FAM120B: variants seen among roughly 807,000 people sequenced by gnomAD.
FAM120B encodes family with sequence similarity 120 member B.
FAM120B carries 83 observed loss-of-function variants against 96.3 expected under a neutral mutation model. That is an observed-to-expected ratio of 0.86 (90% CI 0.72 to 1.03). The LOEUF is 1.03. Ranked by LOEUF, FAM120B falls within the 50% of genes least tolerant of loss-of-function variation. The probability of loss-of-function intolerance (pLI) is 0.00; values close to 1 mark genes in which losing one functional copy is unlikely to be tolerated. For missense variants in FAM120B, 1,027 were observed against 1,121.2 expected, an observed-to-expected ratio of 0.92 and a Z score of 1.20; for synonymous variants, 407 against 402.7, an observed-to-expected ratio of 1.01 and a Z score of -0.13.
intron 10 of FAM120B, 59 bp downstream of exon 10, chr6:170,404,660 A>C: frequency 2.3e-6 from 3 of 1,299,814 alleles, no homozygotes; most frequent in Non-Finnish European, 3.3e-6. Flanking sequence ...TTAATAACAT[A>C]AATCTTCCAT....
intron 8 of FAM120B, among the ~76,000 whole-genome samples, chr6:170,393,035 C>G (rs576603612): frequency 4.6e-5 from 7 of 151,750 alleles, no homozygotes; most frequent in African/African-American, 1.5e-4. Context: ...AAGTTTGCGC[C>G]GTGGCTGGGC....
intron 9 of FAM120B, among the ~76,000 whole-genome samples, chr6:170,398,114 C>G (rs940800007): frequency 1.3e-5 from 2 of 152,258 alleles, no homozygotes; most frequent in Non-Finnish European, 1.5e-5. Context: ...CTGCCTGTCA[C>G]AGAGGAAACT....
At chr6:170,292,319 T>C (rs1169875519), upstream of FAM120B, among the ~76,000 whole-genome samples, 1 of 152,178 alleles carries the variant, frequency 6.6e-6, no homozygotes, top group East Asian at 1.9e-4. This position sits in a 1 kb window ranked among gnomAD's most constrained non-coding sequence, Gnocchi z 6.6. Flanking sequence ...ATTGCCCTCC[T>C]AGGCACGATG....
intron 5 of FAM120B, 26 bp from the exon 6 acceptor site, chr6:170,358,200 C>CTTA (rs1788096771): frequency 1.9e-6 from 3 of 1,552,432 alleles, no homozygotes; most frequent in Non-Finnish European, 1.8e-6. Context: ...TGTAGCCTAA[C>CTTA]ACTGGCCTTT....
intron 2 of FAM120B, among the ~76,000 whole-genome samples, chr6:170,322,306 A>G (rs1785345142): frequency 6.6e-6 from 1 of 152,234 alleles, no homozygotes; most frequent in African/African-American, 2.4e-5. Context: ...GAGGCAGACC[A>G]GACAGCTGCG....
chr6:170,296,370 GC>G (rs922713890), intron 1 of FAM120B, among the ~76,000 whole-genome samples: 38 of 152,240 alleles, frequency 2.5e-4, no homozygotes, highest in African/African-American at 8.9e-4. Context: ...ATTACGAGGG[GC>G]ACCAGTGCAA....
intron 1 of FAM120B, among the ~76,000 whole-genome samples, chr6:170,311,893 C>T (rs1313474184): frequency 6.6e-6 from 1 of 152,134 alleles, no homozygotes; most frequent in Non-Finnish European, 1.5e-5. Flanking sequence ...GTGCCTATGC[C>T]GTGACTCAGC....
chr6:170,325,147 T>A (rs1013744963), intron 3 of FAM120B, among the ~76,000 whole-genome samples: 1 of 152,202 alleles, frequency 6.6e-6, no homozygotes, highest in South Asian at 2.1e-4. Context: ...TCTTAATGAA[T>A]CGACCCTTTT....
intron 6 of FAM120B, among the ~76,000 whole-genome samples, chr6:170,360,759 G>GT (rs1433560853): frequency 4.6e-5 from 7 of 152,206 alleles, no homozygotes; most frequent in Admixed American, 3.9e-4. Flanking sequence ...CAAGGAGGGC[G>GT]TTTTTTCTAA....
At chr6:170,364,694 A>G (rs1164530540) in intron 6 of FAM120B, among the ~76,000 whole-genome samples, 1 of 152,138 alleles carries the variant, frequency 6.6e-6, no homozygotes, top group African/African-American at 2.4e-5. Context: ...TTCTAGTCTC[A>G]AGAGCTGATG....
intron 6 of FAM120B, among the ~76,000 whole-genome samples, chr6:170,384,515 G>A (rs1307184718): frequency 6.6e-6 from 1 of 152,208 alleles, no homozygotes; most frequent in Non-Finnish European, 1.5e-5. Context: ...ATCAGAAGTG[G>A]ACTTCAGGTA....
chr6:170,319,201 C>A, intron 2 of FAM120B, 77 bp downstream of exon 2: 2 of 1,392,036 alleles, frequency 1.4e-6, no homozygotes, highest in Non-Finnish European at 1.9e-6. Flanking sequence ...AGATCCATTA[C>A]TGCCTCAGTG....
chr6:170,380,628 T>C (rs1461265912), intron 6 of FAM120B, among the ~76,000 whole-genome samples: 5 of 152,256 alleles, frequency 3.3e-5, no homozygotes, highest in Admixed American at 3.3e-4. Flanking sequence ...GTATGCCTGC[T>C]GACCATTTGT....
At chr6:170,356,510 A>G (rs1331179280) in intron 5 of FAM120B, among the ~76,000 whole-genome samples, 2 of 152,220 alleles carry the variant, frequency 1.3e-5, no homozygotes, top group African/African-American at 4.8e-5. Flanking sequence ...CAGTGCATGA[A>G]AATGACAGAG....
intron 5 of FAM120B, among the ~76,000 whole-genome samples, chr6:170,356,458 C>T (rs969566209): frequency 3.9e-5 from 6 of 152,030 alleles, no homozygotes; most frequent in African/African-American, 9.7e-5. Context: ...AGCCTAAATT[C>T]GATGTTTTGA....
chr6:170,313,248 G>A (rs902086096), intron 1 of FAM120B, among the ~76,000 whole-genome samples: 5 of 152,002 alleles, frequency 3.3e-5, no homozygotes, highest in African/African-American at 4.8e-5. Flanking sequence ...TGGGATTTTC[G>A]GTCCCTGTTC....
At position 170,382,895 on chromosome 6, in the gene FAM120B, C is replaced by T. The variant is rs1789993961; in HGVS notation, c.2284-5392C>T. 3.3e-5 allele frequency among the ~76,000 whole-genome samples: 5 copies of T among 152,118 alleles called. No individual in the cohort carries two copies. In the South Asian group the frequency reaches 1.0e-3, roughly 31 times the overall value. On this transcript the variant is annotated intron_variant, in intron 6 of 10. Transcript: ENST00000476287. ...CAGAATCACTGTATTTGATAACATA[C>T]CTTGCTATATAACTGCAGTAATCAA...
intron 1 of FAM120B, among the ~76,000 whole-genome samples, chr6:170,313,947 G>A (rs190527144): frequency 4.1e-4 from 63 of 152,316 alleles, no homozygotes; most frequent in Middle Eastern, 3.4e-3. Context: ...CCAGAGTGAC[G>A]CCAGATGAGT....
chr6:170,301,559 T>C (rs889725824), intron 1 of FAM120B, among the ~76,000 whole-genome samples: 1 of 152,268 alleles, frequency 6.6e-6, no homozygotes, highest in African/African-American at 2.4e-5. Context: ...AAATGGGTTT[T>C]TTTAATCTAT....
Sources: allele counts gnomAD v4.1 joint callset (sites outside exome capture counted in the v4.1 genomes callset), GRCh38; gene constraint gnomAD v4.1.1; non-coding constraint Gnocchi (gnomAD v3.1); transcripts MANE v1.5; gene names NCBI Gene and HGNC (gene_info 2026-07-23, HGNC 2026-07-21).